The following PTPRN2 variants were observed in gnomAD, a reference collection of about 807,000 sequenced individuals.
PTPRN2 encodes receptor-type tyrosine-protein phosphatase N2.
In PTPRN2, 74 loss-of-function variants were observed where a neutral mutation model predicts 118.8. The observed-to-expected ratio is 0.62, with a 90% CI of 0.52 to 0.76. The LOEUF (loss-of-function observed/expected upper bound fraction) is 0.76. Ranked by LOEUF, PTPRN2 falls within the 30% of genes least tolerant of loss-of-function variation. The pLI is 0.00. For missense variants in PTPRN2, 1,481 were observed against 1,394.4 expected, an observed-to-expected ratio of 1.06 and a Z score of -0.99; for synonymous variants, 641 against 608.0, an observed-to-expected ratio of 1.05 and a Z score of -0.80.
At position 158,573,278 on chromosome 7, in the gene PTPRN2, C is replaced by T. The variant is rs1441926703; in HGVS notation, c.112+14280G>A. On this transcript the variant is annotated intron_variant, in intron 1 of 22. Transcript: ENST00000389418. Reference sequence around the variant, plus strand: ...GAGGGGGGATGGGAAAGGGAATCTGCTTCCTAGAAATGCAGAAAACATCAA... The same window carrying T: ...GAGGGGGGATGGGAAAGGGAATCTGTTTCCTAGAAATGCAGAAAACATCAA... Among the ~76,000 whole-genome samples, 3 of 152,184 alleles carry T rather than the reference C, an allele frequency of 2.0e-5. No individual in the cohort carries two copies. The East Asian group carries it at 5.8e-4, about 29-fold the overall frequency.
intron 19 of PTPRN2, chr7:157,574,467 C>A: frequency 2.0e-6 from 1 of 511,768 alleles, no homozygotes; most frequent in Non-Finnish European, 4.1e-6. Flanking sequence ...CCGTGAGCAG[C>A]GTTAGTGAGC....
In PTPRN2 at chr7:158,585,154, A is replaced by G. The variant is rs1248757787; in HGVS notation, c.112+2404T>C. On this transcript the variant is annotated intron_variant, in intron 1 of 22. Transcript: ENST00000389418. ...AGATCCAGACAGGAGAGAAAGAAAA[A>G]TAGCAGCACCTGCCCGGCACAGGTA... Among the ~76,000 whole-genome samples the G allele has an allele frequency of 1.3e-5, 2 of 152,212 alleles. 1 individual carries two copies. The highest frequency in any genetic ancestry group is 1.3e-4 in the Admixed American group (2 of 15,288).
intron 6 of PTPRN2, among the ~76,000 whole-genome samples, chr7:158,159,247 T>C (rs1822143413): frequency 6.6e-6 from 1 of 152,238 alleles, no homozygotes; most frequent in Non-Finnish European, 1.5e-5. Flanking sequence ...ACGCGAAGCG[T>C]TGCATGGCTG....
chr7:158,557,210 C>CAG (rs1827089621), intron 1 of PTPRN2, among the ~76,000 whole-genome samples: 2 of 135,886 alleles, frequency 1.5e-5, no homozygotes, highest in African/African-American at 6.3e-5. Context: ...CCACGCAGGT[C>CAG]GCTCCCACGC....
intron 22 of PTPRN2, among the ~76,000 whole-genome samples, chr7:157,547,018 T>C (rs1798354763): frequency 6.6e-6 from 1 of 152,208 alleles, no homozygotes; most frequent in African/African-American, 2.4e-5. Context: ...CAAACTCACC[T>C]GTCTGGAGGG....
chr7:157,571,998 T>G (rs1334498996), intron 19 of PTPRN2, among the ~76,000 whole-genome samples: 2 of 152,244 alleles, frequency 1.3e-5, no homozygotes, highest in Non-Finnish European at 2.9e-5. Context: ...GGTAAGGATA[T>G]CTAAATTACG....
intron 2 of PTPRN2, among the ~76,000 whole-genome samples, chr7:158,475,282 G>A (rs1380416871): frequency 6.4e-5 from 9 of 141,522 alleles, no homozygotes; most frequent in African/African-American, 1.9e-4. Context: ...GGGAGGCCCC[G>A]AAGGGCCCTG....
intron 11 of PTPRN2, among the ~76,000 whole-genome samples, chr7:158,000,419 G>C (rs936568079): frequency 6.6e-6 from 1 of 152,002 alleles, no homozygotes; most frequent in East Asian, 2.0e-4. Context: ...CACCCAACAC[G>C]TGAAAGCCGT....
chr7:157,895,056 C>T (rs1041197937), intron 12 of PTPRN2, among the ~76,000 whole-genome samples: 3 of 151,822 alleles, frequency 2.0e-5, no homozygotes, highest in African/African-American at 7.3e-5. Flanking sequence ...ACCCCTCCCC[C>T]ACAGGAGGGG....
intron 2 of PTPRN2, among the ~76,000 whole-genome samples, chr7:158,328,304 G>T (rs1803819834): frequency 6.6e-6 from 1 of 152,242 alleles, no homozygotes; most frequent in Non-Finnish European, 1.5e-5. Flanking sequence ...GGAGCCGTTG[G>T]ATCCGTGGGC....
intron 3 of PTPRN2, among the ~76,000 whole-genome samples, chr7:158,258,838 A>T (rs2150917935): frequency 6.6e-6 from 1 of 152,346 alleles, no homozygotes; most frequent in East Asian, 1.9e-4. Flanking sequence ...ACAAGGTCCC[A>T]GGAAGCCAGA....
chr7:157,736,586 A>G (rs376629772), intron 12 of PTPRN2, among the ~76,000 whole-genome samples: 1 of 150,222 alleles, frequency 6.7e-6, no homozygotes, highest in African/African-American at 2.4e-5. Flanking sequence ...GGACTGTCAG[A>G]GCTGTGAGAA....
chr7:158,262,162 C>T (rs746907097), intron 3 of PTPRN2, among the ~76,000 whole-genome samples: 7 of 152,156 alleles, frequency 4.6e-5, no homozygotes, highest in South Asian at 2.1e-4. Flanking sequence ...GAGGCCTCCC[C>T]GGTTCACTCC....
At chr7:157,754,019 T>C (rs1007472944) in intron 12 of PTPRN2, among the ~76,000 whole-genome samples, 5 of 152,180 alleles carry the variant, frequency 3.3e-5, no homozygotes, top group African/African-American at 1.2e-4. Context: ...CGCTCCCCTA[T>C]CTGAAGTGGG....
At chr7:157,994,495 T>C (rs1183013639) in intron 11 of PTPRN2, among the ~76,000 whole-genome samples, 1 of 150,672 alleles carries the variant, frequency 6.6e-6, no homozygotes, top group Non-Finnish European at 1.5e-5. Flanking sequence ...GGCCCACAGC[T>C]CCTTGTTCCT....
At chr7:158,486,979 T>G (rs994607292) in intron 2 of PTPRN2, among the ~76,000 whole-genome samples, 1 of 152,232 alleles carries the variant, frequency 6.6e-6, no homozygotes, top group Non-Finnish European at 1.5e-5. Context: ...CTTCTGTCTC[T>G]ATGAACTTGA....
At chr7:157,692,635 T>C (rs1319291617) in intron 12 of PTPRN2, among the ~76,000 whole-genome samples, 1 of 152,154 alleles carries the variant, frequency 6.6e-6, no homozygotes, top group African/African-American at 2.4e-5. Context: ...GGCAAAGAAG[T>C]GGCCTCGCAT....
At chr7:157,852,622 G>A (rs533558525) in intron 12 of PTPRN2, among the ~76,000 whole-genome samples, 2 of 152,268 alleles carry the variant, frequency 1.3e-5, no homozygotes, top group African/African-American at 2.4e-5. Flanking sequence ...TGTAATCCCA[G>A]CACTTTGGGA....
chr7:158,343,499 G>A (rs531107922), intron 2 of PTPRN2, among the ~76,000 whole-genome samples: 9 of 152,330 alleles, frequency 5.9e-5, no homozygotes, highest in Admixed American at 2.6e-4. Flanking sequence ...GAAAGCACAC[G>A]GGAAAAGTTC....
Sources: allele counts gnomAD v4.1 joint callset (sites outside exome capture counted in the v4.1 genomes callset), GRCh38; gene constraint gnomAD v4.1.1; transcripts MANE v1.5; gene names NCBI Gene and HGNC (gene_info 2026-07-23, HGNC 2026-07-21).